ZGRF1: variants seen among roughly 807,000 people sequenced by gnomAD.
The protein encoded by ZGRF1 is zinc finger GRF-type containing 1.
In ZGRF1, 196 loss-of-function variants were observed where a neutral mutation model predicts 203.5. That is an observed-to-expected ratio of 0.96 (90% CI 0.86 to 1.08). ZGRF1 has a LOEUF of 1.08. Ranked by LOEUF, ZGRF1 falls within the 50% of genes least tolerant of loss-of-function variation. The pLI is 0.00. For synonymous variants in ZGRF1, 809 were observed against 841.3 expected (o/e 0.96, Z 0.66); for missense variants, 2,326 against 2,416.3 (o/e 0.96, Z 0.78).
chr4:112,547,307 AG>A lies in ZGRF1; in HGVS notation c.5575del (p.Leu1859PhefsTer7). 2.5e-6 allele frequency: 4 copies of A among 1,612,930 alleles called. No individual in the cohort carries two copies. Among genetic ancestry groups the A allele is most frequent in the Non-Finnish European group, 3.4e-6 (4 of 1,179,616 alleles). The part of the protein sequence containing the change: ...AAHENGLEQT[L>X]FDRLCLMGHK... The stretch of plus-strand genomic sequence containing the variant: ...TACCATTAAGCAAAGTCGATCAAAA[AG>A]AGTTTGTTCCAATCCATTTTCATGA... On this transcript the variant is annotated frameshift_variant, in exon 24 of 28. Coordinates refer to ENST00000505019, the MANE Select transcript of ZGRF1 (RefSeq NM_018392.5). LOFTEE classifies it high-confidence loss of function.
At chr4:112,603,488 T>C (rs767053718) in intron 10 of ZGRF1, 36 bp downstream of exon 10, 4 of 1,508,570 alleles carry the variant, frequency 2.7e-6, no homozygotes, top group Non-Finnish European at 3.7e-6. Context: ...ATAAAGAAAA[T>C]GATTTGGCAA....
At chr4:112,613,568 C>T (rs535343574) in intron 6 of ZGRF1, among the ~76,000 whole-genome samples, 5 of 151,940 alleles carry the variant, frequency 3.3e-5, no homozygotes, top group South Asian at 4.2e-4. Flanking sequence ...TGATACAGAA[C>T]GATTTTTGAT....
chr4:112,567,152 T>C (rs1222300848), intron 16 of ZGRF1, among the ~76,000 whole-genome samples: 3 of 152,220 alleles, frequency 2.0e-5, no homozygotes, highest in Non-Finnish European at 4.4e-5. Flanking sequence ...GGGATTGTTC[T>C]GCAGGTAGTT....
intron 17 of ZGRF1, among the ~76,000 whole-genome samples, chr4:112,562,717 G>C (rs1452895500): frequency 6.6e-6 from 1 of 152,128 alleles, no homozygotes; most frequent in African/African-American, 2.4e-5. Context: ...AATCATATTT[G>C]GACTTCCATA....
intron 6 of ZGRF1, 81 bp downstream of exon 6, chr4:112,617,359 T>C: frequency 9.9e-7 from 1 of 1,012,652 alleles, no homozygotes; most frequent in Non-Finnish European, 1.4e-6. Context: ...CTTTAATGTA[T>C]CACCCAGAGC....
intron 16 of ZGRF1, among the ~76,000 whole-genome samples, chr4:112,570,131 A>G (rs1743939518): frequency 6.6e-6 from 1 of 152,240 alleles, no homozygotes; most frequent in Non-Finnish European, 1.5e-5. Flanking sequence ...AAAGTTAGCA[A>G]GACTATATAG....
At chr4:112,550,745 C>T (rs534792349) in intron 22 of ZGRF1, among the ~76,000 whole-genome samples, 50 of 152,024 alleles carry the variant, frequency 3.3e-4, no homozygotes, top group Middle Eastern at 3.2e-3. Flanking sequence ...CTCAGCTACT[C>T]GGGAGGATGA....
At chr4:112,541,648 C>A (rs1324603038) in intron 24 of ZGRF1, among the ~76,000 whole-genome samples, 1 of 151,624 alleles carries the variant, frequency 6.6e-6, no homozygotes, top group African/African-American at 2.4e-5. Context: ...TCTGCCTCAG[C>A]CTCCCGAGTA....
intron 10 of ZGRF1, among the ~76,000 whole-genome samples, chr4:112,593,252 C>T (rs1262228137): frequency 2.0e-5 from 3 of 152,192 alleles, no homozygotes; most frequent in Non-Finnish European, 4.4e-5. Context: ...CTACTCCTTA[C>T]ATTTAATCCA....
chr4:112,628,033 A>T (rs1018667743), intron 3 of ZGRF1, among the ~76,000 whole-genome samples: 3 of 152,008 alleles, frequency 2.0e-5, no homozygotes, highest in Non-Finnish European at 2.9e-5. Flanking sequence ...CAGAACAAAA[A>T]ATATATATAT....
chr4:112,554,594 A>G (rs1165218681), intron 21 of ZGRF1, 111 bp downstream of exon 21: 3 of 618,358 alleles, frequency 4.9e-6, no homozygotes, highest in Non-Finnish European at 8.7e-6. Flanking sequence ...TTAACCAAGT[A>G]AAGATAAGCC....
rs148771583 is a variant in ZGRF1, at chr4:112,616,285, C to T, written c.2602+1155G>A. Among the ~76,000 whole-genome samples the T allele has an allele frequency of 9.2e-3, 1,397 of 151,650 alleles. 24 individuals are homozygous for T. Among genetic ancestry groups the T allele is most frequent in the African/African-American group, 0.032 (1,310 of 41,336 alleles). ...CTGTAATCCTAGCACTTTGGGAGGC[C>T]GAGGCAGGTGGATCTCCTGAGGTCA... On this transcript the variant is annotated intron_variant, in intron 6 of 27. Coordinates refer to ENST00000505019, the MANE Select transcript of ZGRF1 (RefSeq NM_018392.5).
chr4:112,628,056 G>A (rs974713091), intron 3 of ZGRF1, among the ~76,000 whole-genome samples: 4 of 152,072 alleles, frequency 2.6e-5, no homozygotes, highest in Non-Finnish European at 5.9e-5. Flanking sequence ...GCTTCATCTG[G>A]AAAGACTTCT....
rs529616266 is a variant in ZGRF1 at position 112,632,553 on chromosome 4, T to C, written c.22-543A>G. 2.2e-3 allele frequency among the ~76,000 whole-genome samples: 329 copies of C among 152,358 alleles called. 1 individual carries two copies. The highest frequency in any genetic ancestry group is 7.8e-3 in the African/African-American group (325 of 41,584). The stretch of plus-strand genomic sequence containing the variant: ...ATGAAGTTTCCCAGGATTATGTATA[T>C]GCAATATTGTAAGATTCAATTGCAA... On this transcript the variant is annotated intron_variant, in intron 2 of 27. Transcript: ENST00000505019.
intron 10 of ZGRF1, among the ~76,000 whole-genome samples, chr4:112,597,274 C>T (rs1749184904): frequency 6.6e-6 from 1 of 150,870 alleles, no homozygotes; most frequent in South Asian, 2.1e-4. Flanking sequence ...ACCTATAATC[C>T]CAGCACTTTG....
intron 11 of ZGRF1, among the ~76,000 whole-genome samples, chr4:112,588,835 C>T (rs938190048): frequency 6.6e-6 from 1 of 152,108 alleles, no homozygotes; most frequent in African/African-American, 2.4e-5. Flanking sequence ...AAGTGCTATG[C>T]TGTAATTCTA....
rs13106613 is a variant in ZGRF1, at chr4:112,620,922, C to A, written c.163-732G>T. 6.2e-3 allele frequency among the ~76,000 whole-genome samples: 941 copies of A among 151,718 alleles called. 10 individuals are homozygous for A. Among genetic ancestry groups the A allele is most frequent in the Non-Finnish European group, 8.8e-3 (595 of 67,936 alleles). On this transcript the variant is annotated intron_variant, in intron 4 of 27. Coordinates refer to ENST00000505019, the MANE Select transcript of ZGRF1 (RefSeq NM_018392.5). ...TGGCATGTTCCTACAGTCTCAGCTA[C>A]TTGAAAGGCTGAGGTGGAAGGATCC...
In ZGRF1 at chr4:112,541,073, C is replaced by T; in HGVS notation, c.5775+19G>A. On this transcript the variant is annotated intron_variant, in intron 25 of 27. Transcript: ENST00000505019. ...GAACCTAAACCATGTTGACTCTCAT[C>T]AACATTAATGTCATTTACCTGTTCT... is the stretch of plus-strand genomic sequence containing the variant. 1 of 1,563,978 alleles carries T rather than the reference C, an allele frequency of 6.4e-7. No homozygotes were observed. The highest frequency in any genetic ancestry group is 8.7e-7 in the Non-Finnish European group (1 of 1,151,676).
chr4:112,560,676 G>A (rs941391982), intron 19 of ZGRF1, 57 bp downstream of exon 19: 4 of 1,399,112 alleles, frequency 2.9e-6, no homozygotes, highest in Non-Finnish European at 3.9e-6. Context: ...AGCAGACTGA[G>A]TTACAAAAGC....
Sources: allele counts gnomAD v4.1 joint callset (sites outside exome capture counted in the v4.1 genomes callset), GRCh38; gene constraint gnomAD v4.1.1; transcripts MANE v1.5; gene names NCBI Gene and HGNC (gene_info 2026-07-23, HGNC 2026-07-21).